The following CROCC2 variants were observed in gnomAD, a reference collection of about 807,000 sequenced individuals.
The protein encoded by CROCC2 is ciliary rootlet coiled-coil protein 2.
A neutral mutation model predicts 177.6 loss-of-function variants in CROCC2; 163 were observed. That is an observed-to-expected ratio of 0.92 (90% CI 0.81 to 1.05). The LOEUF (loss-of-function observed/expected upper bound fraction) is 1.05. Among genes scored for constraint, CROCC2 ranks in the 50% least tolerant of loss-of-function variants. The pLI is 0.00. For missense variants in CROCC2, 1,929 were observed against 1,797.8 expected, an observed-to-expected ratio of 1.07 and a Z score of -1.32; for synonymous variants, 904 against 787.3, an observed-to-expected ratio of 1.15 and a Z score of -2.48.
chr2:240,950,913 A>ATCCACCCATCCATCCACCCATTTACCT (rs1184132746), intron 18 of CROCC2: 1 of 157,858 alleles, frequency 6.3e-6, no homozygotes, highest in Non-Finnish European at 1.3e-5. Flanking sequence ...CCATCCATCC[A>ATCCACCCATCCATCCACCCATTTACCT]GCCATCCATC....
chr2:240,989,572 A>G, intron 29 of CROCC2, 82 bp from the exon 30 acceptor site: 1 of 1,362,538 alleles, frequency 7.3e-7, no homozygotes. Flanking sequence ...GACAGGTGAA[A>G]CACCCTGTGG....
chr2:240,987,637 G>T (rs2059849451), intron 28 of CROCC2, among the ~76,000 whole-genome samples: 1 of 152,230 alleles, frequency 6.6e-6, no homozygotes, highest in African/African-American at 2.4e-5. Flanking sequence ...GCAGGTTTGT[G>T]GTGTGCCAAG....
intron 14 of CROCC2, among the ~76,000 whole-genome samples, chr2:240,940,200 A>G (rs188227638): frequency 6.6e-6 from 1 of 152,108 alleles, no homozygotes; most frequent in African/African-American, 2.4e-5. Context: ...CTTCCACTAG[A>G]TCTCCCCTTA....
At chr2:240,928,766 C>T (rs192710288) in intron 5 of CROCC2, among the ~76,000 whole-genome samples, 7 of 138,264 alleles carry the variant, frequency 5.1e-5, no homozygotes, top group Middle Eastern at 3.7e-3. Context: ...CAGAGGAGCA[C>T]GCCCTCGGAG....
Position 240,965,470 on chromosome 2 carries a change from G to A in CROCC2, c.3555G>A (p.Arg1185=). The A allele has an allele frequency of 1.3e-6, 2 of 1,550,050 alleles. No homozygotes were observed. The highest frequency in any genetic ancestry group is 1.7e-6 in the Non-Finnish European group (2 of 1,146,986). Residue 1185 remains arginine, a synonymous_variant, in exon 23 of 32, where the codon CGG becomes CGA. Transcript: ENST00000690015. ...AQCSQEVLEL[R]RQAAKAEAKH... ...GCTCGCAGGAGGTGCTGGAGCTGCG[G>A]AGGCAGGCAGCCAAGGCAGAGGCCA...
chr2:240,976,184 A>G (rs1010287198), intron 27 of CROCC2, among the ~76,000 whole-genome samples: 1 of 149,188 alleles, frequency 6.7e-6, no homozygotes, highest in Admixed American at 6.6e-5. Flanking sequence ...GCCCAGGCTC[A>G]TCCCTGCTCA....
rs757599444 is a variant in CROCC2 at position 240,925,696 on chromosome 2, C to G, written c.489-28C>G. Reference sequence around the variant, plus strand: ...TCTCTTAGGAGAGGCTTCCTACCCCCACCATGCCCTGTGGGTTCTCTGTCC... The same window carrying G: ...TCTCTTAGGAGAGGCTTCCTACCCCGACCATGCCCTGTGGGTTCTCTGTCC... On this transcript the variant is annotated intron_variant, in intron 4 of 31. Coordinates refer to ENST00000690015, the MANE Select transcript of CROCC2 (RefSeq NM_001351305.2). 2.3e-5 allele frequency: 16 copies of G among 696,464 alleles called. No homozygotes were observed. The Admixed American group carries it at 3.4e-4, about 15-fold the overall frequency. 43.1% of individuals were successfully genotyped at this position (696,464 alleles called of 1,614,324 possible). A position where few individuals can be genotyped will look rare whatever the true frequency, so the allele number is the denominator to read the frequency against.
At chr2:240,991,100 C>T in intron 30 of CROCC2, 96 bp from the exon 31 acceptor site, 1 of 879,766 alleles carries the variant, frequency 1.1e-6, no homozygotes, top group Non-Finnish European at 1.7e-6. Context: ...CCATGGCCTC[C>T]AGCCCTTCCT....
rs1264605884 is a variant in CROCC2, at chr2:240,918,788, T to C, written c.141T>C (p.Arg47=). 3.3e-6 allele frequency: 2 copies of C among 597,190 alleles called. No homozygotes were observed. Among genetic ancestry groups the C allele is most frequent in the Non-Finnish European group, 6.1e-6 (2 of 328,316 alleles). 37.0% of individuals were successfully genotyped at this position (597,190 alleles called of 1,614,324 possible). ...GGGAAGACCGGGCGCTGACCGTGCG[T>C]GGGGAAGGCCGGCAGGCCTCGCCCA... ...ASREDRALTV[R]GEGRQASPTP... The change falls in exon 2 of 32, where the codon CGT becomes CGC. Residue 47 remains arginine (R), a synonymous_variant. Coordinates refer to ENST00000690015, the MANE Select transcript of CROCC2 (RefSeq NM_001351305.2). The surrounding 1 kb of genome is among the most constrained non-coding windows in gnomAD (Gnocchi z 6.3).
At chr2:240,986,256 G>A (rs969553908) in intron 28 of CROCC2, among the ~76,000 whole-genome samples, 1 of 152,200 alleles carries the variant, frequency 6.6e-6, no homozygotes, top group African/African-American at 2.4e-5. Flanking sequence ...CCTGAGGCCA[G>A]AGTCCCCGCG....
chr2:240,985,732 C>CCA (rs200467504), intron 28 of CROCC2, among the ~76,000 whole-genome samples: 9 of 32,886 alleles, frequency 2.7e-4, no homozygotes, highest in South Asian at 2.5e-3. Flanking sequence ...GGCACTCACT[C>CCA]CACACACACA....
chr2:240,933,366 G>A (rs1282027670), intron 10 of CROCC2, 24 bp downstream of exon 10: 21 of 1,482,074 alleles, frequency 1.4e-5, no homozygotes, highest in South Asian at 1.1e-4. Flanking sequence ...GGGGTTGCAC[G>A]GCCTTGCACA....
intron 20 of CROCC2, among the ~76,000 whole-genome samples, chr2:240,961,627 GCACACGCTCATCA>G (rs1472878296): frequency 1.1e-3 from 129 of 113,948 alleles, no homozygotes; most frequent in African/African-American, 3.5e-3. Context: ...CATGACACAT[GCACACGCTCATCA>G]CACACGCTCA....
chr2:240,975,025 G>T (rs547838979), intron 27 of CROCC2, among the ~76,000 whole-genome samples: 1 of 152,036 alleles, frequency 6.6e-6, no homozygotes, highest in Non-Finnish European at 1.5e-5. Context: ...CTCCTGCTTT[G>T]TCAGTTGTTT....
intron 6 of CROCC2, among the ~76,000 whole-genome samples, chr2:240,930,652 C>T (rs968959915): frequency 3.3e-5 from 5 of 152,078 alleles, no homozygotes; most frequent in East Asian, 3.9e-4. Context: ...CCCTTAGGTA[C>T]GTAGCAGCCC....
At chr2:240,963,486 A>G in intron 20 of CROCC2, 70 bp from the exon 21 acceptor site, 1 of 1,422,440 alleles carries the variant, frequency 7.0e-7, no homozygotes, top group Non-Finnish European at 9.3e-7. Context: ...GTCAGAGGCC[A>G]CAGGCCCCTG....
At position 240,949,152 on chromosome 2, in the gene CROCC2, C is replaced by A; in HGVS notation, c.2482+55C>A. The stretch of plus-strand genomic sequence containing the variant: ...CCCCGAAAGTCAGCCATGGAGGGGC[C>A]CCTGGAATGGAGCTCAGTGCCCACA... On this transcript the variant is annotated intron_variant, in intron 16 of 31. Coordinates refer to ENST00000690015, the MANE Select transcript of CROCC2 (RefSeq NM_001351305.2). This position sits in a 1 kb window ranked among gnomAD's most constrained non-coding sequence, Gnocchi z 4.5. 6.8e-7 allele frequency: 1 copy of A among 1,475,640 alleles called. No individual in the cohort carries two copies. The highest frequency in any genetic ancestry group is 9.0e-7 in the Non-Finnish European group (1 of 1,115,706). The allele number at this position is 1,475,640 out of a possible 1,614,324, so 91.4% of individuals were successfully genotyped here. A position where few individuals can be genotyped will look rare whatever the true frequency, so the allele number is the denominator to read the frequency against.
Position 240,918,170 on chromosome 2 carries a change from G to A in CROCC2, c.79-556G>A, listed in dbSNP as rs1048980446. 2.6e-5 allele frequency among the ~76,000 whole-genome samples: 4 copies of A among 152,212 alleles called. No homozygotes were observed. The highest frequency in any genetic ancestry group is 9.6e-5 in the African/African-American group (4 of 41,454). ...TGGACCGAGCCTGTGGAGGGGCAGTGGGCAGCTGAGCAGAGAAGGATGGGT... is the reference window on the plus strand; with the variant it reads ...TGGACCGAGCCTGTGGAGGGGCAGTAGGCAGCTGAGCAGAGAAGGATGGGT... On this transcript the variant is annotated intron_variant, in intron 1 of 31. Coordinates refer to ENST00000690015, the MANE Select transcript of CROCC2 (RefSeq NM_001351305.2). The surrounding 1 kb of genome is among the most constrained non-coding windows in gnomAD (Gnocchi z 6.3).
At position 240,946,268 on chromosome 2, in the gene CROCC2, G is replaced by A; in HGVS notation, c.2363+15G>A. 6.6e-7 allele frequency: 1 copy of A among 1,515,358 alleles called. No individual in the cohort carries two copies. Among genetic ancestry groups the A allele is most frequent in the Non-Finnish European group, 8.9e-7 (1 of 1,121,198 alleles). 93.9% of individuals were successfully genotyped at this position (1,515,358 alleles called of 1,614,324 possible). A position where few individuals can be genotyped will look rare whatever the true frequency, so the allele number is the denominator to read the frequency against. ...GCTGATCTCAGGTATGCAAGGGCCT[G>A]CCAGTCAGGGCATGTCCCACGTGTC... On this transcript the variant is annotated intron_variant, in intron 15 of 31. Transcript: ENST00000690015.
Sources: allele counts gnomAD v4.1 joint callset (sites outside exome capture counted in the v4.1 genomes callset), GRCh38; gene constraint gnomAD v4.1.1; non-coding constraint Gnocchi (gnomAD v3.1); transcripts MANE v1.5; gene names NCBI Gene and HGNC (gene_info 2026-07-23, HGNC 2026-07-21).